The following SATB1 variants were observed in gnomAD, a reference collection of about 807,000 sequenced individuals.
SATB1 encodes DNA-binding protein SATB1.
Under a neutral mutation model 86.9 loss-of-function variants are expected in SATB1, and 11 were observed. That is an observed-to-expected ratio of 0.13 (90% CI 0.08 to 0.21). The LOEUF (loss-of-function observed/expected upper bound fraction) is 0.21. Among genes scored for constraint, SATB1 ranks in the 10% least tolerant of loss-of-function variants. SATB1 has a pLI of 1.00. For missense variants in SATB1, 551 were observed against 937.6 expected (o/e 0.59, Z 5.39); for synonymous variants, 357 against 357.2 (o/e 1.00, Z 0.01).
Position 18,345,947 on chromosome 3 carries a change from A to G in SATB1, c.*3223T>C, listed in dbSNP as rs1694032445. 6.6e-6 allele frequency: 1 copy of G among 152,128 alleles called. No homozygotes were observed. The highest frequency in any genetic ancestry group is 1.5e-5 in the Non-Finnish European group (1 of 67,980). 9.4% of individuals were successfully genotyped at this position (152,128 alleles called of 1,614,324 possible). A position where few individuals can be genotyped will look rare whatever the true frequency, so the allele number is the denominator to read the frequency against. On this transcript the variant is annotated 3_prime_UTR_variant, in exon 11 of 11. Coordinates refer to ENST00000338745, the MANE Select transcript of SATB1 (RefSeq NM_002971.6). ...TTTACTCAATCTTGAATCATCTGAG[A>G]ATGTTTTCTATTCAAGCCAGTATTT...
intron 1 of SATB1, among the ~76,000 whole-genome samples, chr3:18,421,647 G>T (rs1698402773): frequency 6.6e-6 from 1 of 152,034 alleles, no homozygotes; most frequent in Non-Finnish European, 1.5e-5. Flanking sequence ...GATGTGATTG[G>T]ATCAGTTTAC....
chr3:18,439,463 C>A (rs532760691), upstream of SATB1, among the ~76,000 whole-genome samples: 4 of 152,062 alleles, frequency 2.6e-5, no homozygotes, highest in African/African-American at 9.6e-5. Context: ...GCAAAAGATA[C>A]CATTGGCATA....
At chr3:18,366,862 T>C (rs1559403874) in intron 9 of SATB1, among the ~76,000 whole-genome samples, 1 of 152,146 alleles carries the variant, frequency 6.6e-6, no homozygotes, top group South Asian at 2.1e-4. Flanking sequence ...AAATATCACT[T>C]TTCCGCCTAC....
Position 18,386,609 on chromosome 3 carries a change from G to T in SATB1, c.1209C>A (p.Gly403=). Residue 403 remains glycine, a splice_region_variant and synonymous_variant, in exon 8 of 11, where the codon GGC becomes GGA. Coordinates refer to ENST00000338745, the MANE Select transcript of SATB1 (RefSeq NM_002971.6). The surrounding 1 kb of genome is among the most constrained non-coding windows in gnomAD (Gnocchi z 4.5). ...FARVAFNRTQ[G]LLSEILRKEE... is the part of the protein sequence containing the mutation. ...CCTTTCGGAGGATTTCTGAAAGCAAGCCCTGCAAGAAATGAAAGGCACAGG... is the reference window on the plus strand; with the variant it reads ...CCTTTCGGAGGATTTCTGAAAGCAATCCCTGCAAGAAATGAAAGGCACAGG... 1 of 1,613,814 alleles carries T rather than the reference G, an allele frequency of 6.2e-7. No individual in the cohort carries two copies. The highest frequency in any genetic ancestry group is 8.5e-7 in the Non-Finnish European group (1 of 1,179,812).
intron 5 of SATB1, among the ~76,000 whole-genome samples, chr3:18,414,085 T>C (rs1264084909): frequency 1.3e-5 from 2 of 152,088 alleles, no homozygotes; most frequent in Admixed American, 6.6e-5. Context: ...TACAGCAGCA[T>C]CCTACAGTTC....
intron 1 of SATB1, chr3:18,445,235 C>CGGCGGCCGCT (rs1248262234): frequency 2.3e-5 from 23 of 981,654 alleles, no homozygotes; most frequent in Non-Finnish European, 2.8e-5. Context: ...GTGGGAGCCT[C>CGGCGGCCGCT]GGCGGCCGCT....
rs759934751 is a variant in SATB1 at position 18,349,640 on chromosome 3, CCTG to C, written c.1819_1821del (p.Gln607del). ...TGCTGTGGCTGTGGAGGCGGCGGTG[CCTG>C]CTGCTGCTGCTGCTGCTGTTGCTGT... On this transcript the variant is annotated inframe_deletion, in exon 11 of 11. Transcript: ENST00000338745. The surrounding 1 kb of genome is among the most constrained non-coding windows in gnomAD (Gnocchi z 5.5). The C allele has an allele frequency of 6.5e-4, 1,003 of 1,544,448 alleles. No individual in the cohort carries two copies. The highest frequency in any genetic ancestry group is 1.5e-3 in the Admixed American group (85 of 56,324).
At chr3:18,415,820 G>A (rs1328253026) in intron 4 of SATB1, among the ~76,000 whole-genome samples, 187 bp downstream of exon 4, 2 of 151,780 alleles carry the variant, frequency 1.3e-5, no homozygotes, top group Admixed American at 6.6e-5. Context: ...TGGGGGGGGG[G>A]ATTGCTTTTA....
chr3:18,364,414 ATATTT>A (rs1695078048), intron 9 of SATB1, among the ~76,000 whole-genome samples: 1 of 152,186 alleles, frequency 6.6e-6, no homozygotes, highest in African/African-American at 2.4e-5. Flanking sequence ...GGCATAAATG[ATATTT>A]TAAGATATCT....
At chr3:18,369,439 C>G (rs1695348645) in intron 9 of SATB1, among the ~76,000 whole-genome samples, 1 of 151,858 alleles carries the variant, frequency 6.6e-6, no homozygotes, top group Non-Finnish European at 1.5e-5. Context: ...ATAAAATAAC[C>G]TGGAAAAAAA....
Position 18,386,758 on chromosome 3 carries a change from G to A in SATB1, c.1207-147C>T, listed in dbSNP as rs1300348272. On this transcript the variant is annotated intron_variant, in intron 7 of 10. Transcript: ENST00000338745. This position sits in a 1 kb window ranked among gnomAD's most constrained non-coding sequence, Gnocchi z 4.5. Reference sequence around the variant, plus strand: ...TAGGAATATATTAGTTACAACTGAAGTGGTAGAGAAGAGAGCCTCAATTGT... The same window carrying A: ...TAGGAATATATTAGTTACAACTGAAATGGTAGAGAAGAGAGCCTCAATTGT... 6.3e-6 allele frequency: 4 copies of A among 631,534 alleles called. No individual in the cohort carries two copies. In the East Asian group the frequency reaches 1.1e-4, roughly 18 times the overall value. 39.1% of individuals were successfully genotyped at this position (631,534 alleles called of 1,614,324 possible). A position where few individuals can be genotyped will look rare whatever the true frequency, so the allele number is the denominator to read the frequency against.
chr3:18,423,535 C>T (rs1698494708), intron 1 of SATB1, 92 bp downstream of exon 1: 1 of 152,018 alleles, frequency 6.6e-6, no homozygotes, highest in Admixed American at 6.6e-5. Context: ...TCACTGTGAC[C>T]TTTTAAAGAG....
In SATB1 at chr3:18,397,159, G is replaced by A. The variant is rs371686821; in HGVS notation, c.751+20C>T. 7.5e-7 allele frequency: 1 copy of A among 1,334,620 alleles called. No homozygotes were observed. The highest frequency in any genetic ancestry group is 1.1e-6 in the Non-Finnish European group (1 of 925,394). The allele number at this position is 1,334,620 out of a possible 1,614,324, so 82.7% of individuals were successfully genotyped here. A position where few individuals can be genotyped will look rare whatever the true frequency, so the allele number is the denominator to read the frequency against. ...CACGTAATGGTATGTAGCCACTGCTGCAATGTTTTTTTTGCTTACCCATCA... is the reference window on the plus strand; with the variant it reads ...CACGTAATGGTATGTAGCCACTGCTACAATGTTTTTTTTGCTTACCCATCA... On this transcript the variant is annotated intron_variant, in intron 6 of 10. Coordinates refer to ENST00000338745, the MANE Select transcript of SATB1 (RefSeq NM_002971.6).
At chr3:18,410,281 T>C (rs1697763891) in intron 5 of SATB1, among the ~76,000 whole-genome samples, 1 of 152,082 alleles carries the variant, frequency 6.6e-6, no homozygotes, top group African/African-American at 2.4e-5. Context: ...AATCAAAGCA[T>C]ATTATAAAAC....
chr3:18,423,030 C>T (rs532291364), intron 1 of SATB1, among the ~76,000 whole-genome samples: 20 of 152,286 alleles, frequency 1.3e-4, no homozygotes, highest in African/African-American at 4.6e-4. Flanking sequence ...ATTAAATGCG[C>T]ATAAAACACC....
intron 9 of SATB1, among the ~76,000 whole-genome samples, chr3:18,353,385 G>A (rs1040913971): frequency 3.9e-5 from 6 of 151,998 alleles, no homozygotes; most frequent in Non-Finnish European, 7.4e-5. Flanking sequence ...GACCTCTTTC[G>A]CTTCCCTATC....
At chr3:18,409,872 T>C (rs13318205) in intron 5 of SATB1, among the ~76,000 whole-genome samples, 5,355 of 152,178 alleles carry the variant, frequency 0.035, 238 homozygotes, top group African/African-American at 0.097. Context: ...ACCAGTCTGA[T>C]GACTGGAGTC....
chr3:18,351,636 G>A, intron 10 of SATB1: 2 of 518,232 alleles, frequency 3.9e-6, no homozygotes, highest in Non-Finnish European at 6.8e-6. Context: ...GGGCACTGTG[G>A]TATTAATTAA....
chr3:18,402,168 T>A (rs2125130915), intron 5 of SATB1, among the ~76,000 whole-genome samples: 1 of 152,274 alleles, frequency 6.6e-6, no homozygotes, highest in African/African-American at 2.4e-5. Context: ...TATATATCTA[T>A]AACACGTTTA....
Sources: gnomAD v4.1 joint callset for allele counts (sites outside exome capture counted in the v4.1 genomes callset) on GRCh38, gnomAD v4.1.1 for gene constraint, Gnocchi (gnomAD v3.1) non-coding constraint, MANE v1.5 for transcripts, NCBI Gene and HGNC (gene_info 2026-07-23, HGNC 2026-07-21) for gene names.